GSE1: variants seen among roughly 807,000 people sequenced by gnomAD.
GSE1 encodes the protein genetic suppressor element 1.
GSE1 carries 32 observed loss-of-function variants against 112.6 expected under a neutral mutation model. The observed-to-expected ratio is 0.28, with a 90% CI of 0.21 to 0.38. GSE1 has a LOEUF of 0.38. Among genes scored for constraint, GSE1 ranks in the 10% least tolerant of loss-of-function variants. GSE1 has a pLI of 1.00. For synonymous variants in GSE1, 1,115 were observed against 735.6 expected (o/e 1.52, Z -8.35); for missense variants, 2,348 against 1,699.2 (o/e 1.38, Z -6.71).
At chr16:85,448,203 G>A (rs554588031) in intron 2 of GSE1, among the ~76,000 whole-genome samples, 1 of 152,300 alleles carries the variant, frequency 6.6e-6, no homozygotes, top group Non-Finnish European at 1.5e-5. Flanking sequence ...TCTCAGCCTC[G>A]CTTTGTGTTC....
chr16:85,596,395 C>G (rs1048547367), intron 1 of GSE1, among the ~76,000 whole-genome samples: 3 of 152,198 alleles, frequency 2.0e-5, no homozygotes, highest in Non-Finnish European at 2.9e-5. Flanking sequence ...ATGACAGCAG[C>G]CGGGCACCTG....
At position 85,655,901 on chromosome 16, in the gene GSE1, GGCCT is replaced by G; in HGVS notation, c.974_977del (p.Gly325AlafsTer12). The G allele has an allele frequency of 6.2e-7, 1 of 1,604,234 alleles. No individual in the cohort carries two copies. Among genetic ancestry groups the G allele is most frequent in the Non-Finnish European group, 8.5e-7 (1 of 1,179,616 alleles). The stretch of plus-strand genomic sequence containing the variant: ...AGCGCTGCACTCGGAGCGCATGTCT[GGCCT>G]CAGCGCGGAGAGGTAAGTGCGTCTC... On this transcript the variant is annotated frameshift_variant, in exon 6 of 16. Coordinates refer to ENST00000253458, the MANE Select transcript of GSE1 (RefSeq NM_014615.5). LOFTEE classifies it high-confidence loss of function.
At chr16:85,218,225 A>G (rs573602218) in intron 1 of GSE1, among the ~76,000 whole-genome samples, 45 of 152,132 alleles carry the variant, frequency 3.0e-4, no homozygotes, top group Non-Finnish European at 5.7e-4. Flanking sequence ...TCTGAAGCTC[A>G]CTGTGCTGAG....
At position 85,472,937 on chromosome 16, in the gene GSE1, G is replaced by T. The variant is rs151237568; in HGVS notation, c.2464+115294G>T. Among the ~76,000 whole-genome samples the T allele has an allele frequency of 2.5e-3, 381 of 152,358 alleles. 1 individual carries two copies. Among genetic ancestry groups the T allele is most frequent in the Admixed American group, 2.7e-3 (42 of 15,312 alleles). ...CTCCTCCAACTGAGGCTCACTCTAT[G>T]TGTGTCTGCAGAGAGCTTTTGGCCC... On this transcript the variant is annotated intron_variant, in intron 2 of 2. Transcript: ENST00000637419.
At chr16:85,274,195 C>G (rs1909133233) in intron 1 of GSE1, among the ~76,000 whole-genome samples, 1 of 151,564 alleles carries the variant, frequency 6.6e-6, no homozygotes, top group African/African-American at 2.4e-5. Context: ...ACCAGCCTGA[C>G]CAACATGATG....
chr16:85,249,518 C>T (rs1486349667), intron 1 of GSE1, among the ~76,000 whole-genome samples: 6 of 152,286 alleles, frequency 3.9e-5, no homozygotes, highest in East Asian at 1.9e-4. Context: ...TCCGGGGGCG[C>T]GCCTCTCTCC....
upstream of GSE1, among the ~76,000 whole-genome samples, chr16:85,553,662 G>A (rs991345588): frequency 1.6e-4 from 25 of 152,086 alleles, no homozygotes; most frequent in African/African-American, 6.0e-4. Flanking sequence ...CGGCGGCGGG[G>A]AAGAGCGCCA....
At chr16:85,378,456 G>A (rs2047472035) in intron 2 of GSE1, among the ~76,000 whole-genome samples, 1 of 152,198 alleles carries the variant, frequency 6.6e-6, no homozygotes, top group Non-Finnish European at 1.5e-5. Flanking sequence ...CTTAGGAGCT[G>A]TGAGCCACGG....
At chr16:85,263,198 C>T (rs977043468) in intron 1 of GSE1, among the ~76,000 whole-genome samples, 2 of 152,018 alleles carry the variant, frequency 1.3e-5, no homozygotes, top group African/African-American at 4.8e-5. Context: ...ATAGGCCTCC[C>T]TGAGATCATC....
intron 2 of GSE1, among the ~76,000 whole-genome samples, chr16:85,386,166 C>A (rs537357196): frequency 4.6e-5 from 7 of 152,332 alleles, no homozygotes; most frequent in Non-Finnish European, 7.4e-5. Context: ...TCAGGTGGAA[C>A]CCTCCCACGC....
intron 2 of GSE1, among the ~76,000 whole-genome samples, chr16:85,645,925 C>G (rs559128783): frequency 6.7e-6 from 1 of 150,234 alleles, no homozygotes; most frequent in African/African-American, 2.5e-5. Context: ...TGCATGCATT[C>G]TGCCTGCTTC....
rs1258100189 is a variant in GSE1 at position 85,604,879 on chromosome 16, G to A, written c.38-43673G>A. Among the ~76,000 whole-genome samples, 5 of 56,946 alleles carry A rather than the reference G, an allele frequency of 8.8e-5. No individual in the cohort carries two copies. The East Asian group carries it at 2.3e-3, about 27-fold the overall frequency. 37.4% of individuals were successfully genotyped at this position (56,946 alleles called of 152,430 possible). ...GTCGCCCAGGCTGGAGTGCAGTGGC[G>A]GGATCTCGGCTCACTGCAAGCTCCG... is the stretch of plus-strand genomic sequence containing the variant. On this transcript the variant is annotated intron_variant, in intron 1 of 2. Coordinates refer to the GSE1 transcript ENST00000635906.
intron 1 of GSE1, among the ~76,000 whole-genome samples, chr16:85,241,059 T>C (rs947638283): frequency 6.6e-6 from 1 of 152,198 alleles, no homozygotes; most frequent in Admixed American, 6.5e-5. Context: ...GTCATGGTTT[T>C]CAAGGCTTTA....
At chr16:85,518,784 T>G (rs557272683) in intron 2 of GSE1, among the ~76,000 whole-genome samples, 60 of 152,110 alleles carry the variant, frequency 3.9e-4, no homozygotes, top group South Asian at 1.2e-3. Context: ...CCCTGTGGTA[T>G]AAAAAGGACC....
At position 85,305,481 on chromosome 16, in the gene GSE1, T is replaced by C. The variant is rs552670333; in HGVS notation, c.2284-51982T>C. Among the ~76,000 whole-genome samples the C allele has an allele frequency of 1.2e-3, 176 of 150,946 alleles. 2 individuals are homozygous for C. Among genetic ancestry groups the C allele is most frequent in the African/African-American group, 4.1e-3 (168 of 41,050 alleles). ...GTTTTTTGTTGTTTTTTTTTTTTTG[T>C]TTGTTTGTTTTGTTTTTGAGACGGA... On this transcript the variant is annotated intron_variant, in intron 1 of 2. Transcript: ENST00000637419.
intron 1 of GSE1, among the ~76,000 whole-genome samples, chr16:85,244,916 G>T (rs187389268): frequency 5.0e-4 from 76 of 151,434 alleles, no homozygotes; most frequent in Non-Finnish European, 3.5e-4. Flanking sequence ...GCTTGAACCC[G>T]GGAGGCAGAG....
Position 85,305,146 on chromosome 16 carries a change from G to C in GSE1, c.2284-52317G>C, listed in dbSNP as rs981644412. On this transcript the variant is annotated intron_variant, in intron 1 of 2. Transcript: ENST00000637419. ...CAAGCAGCTCCCTGGGCCATCTCCAGATTCCCCACCCCCATGACTGGAGCA... is the reference window on the plus strand; with the variant it reads ...CAAGCAGCTCCCTGGGCCATCTCCACATTCCCCACCCCCATGACTGGAGCA... 1.7e-4 allele frequency among the ~76,000 whole-genome samples: 26 copies of C among 152,192 alleles called. 1 individual carries two copies. The highest frequency in any genetic ancestry group is 4.8e-4 in the African/African-American group (20 of 41,460).
intron 2 of GSE1, among the ~76,000 whole-genome samples, chr16:85,509,083 G>C (rs565970163): frequency 6.6e-6 from 1 of 152,318 alleles, no homozygotes; most frequent in African/African-American, 2.4e-5. Flanking sequence ...CCTCTGTAGA[G>C]AAGAAACGCT....
intron 1 of GSE1, among the ~76,000 whole-genome samples, chr16:85,230,060 A>T (rs765601319): frequency 5.3e-5 from 8 of 152,182 alleles, no homozygotes; most frequent in Non-Finnish European, 1.0e-4. Context: ...CTGGGCCAGT[A>T]TGGCTGCTGC....
Sources: gnomAD v4.1 joint callset for allele counts (sites outside exome capture counted in the v4.1 genomes callset) on GRCh38, gnomAD v4.1.1 for gene constraint, MANE v1.5 for transcripts, NCBI Gene and HGNC (gene_info 2026-07-23, HGNC 2026-07-21) for gene names.